MTHFD1L: variants seen among roughly 807,000 people sequenced by gnomAD.
MTHFD1L encodes monofunctional C1-tetrahydrofolate synthase, mitochondrial.
A neutral mutation model predicts 119.5 loss-of-function variants in MTHFD1L; 81 were observed. The ratio of observed to expected loss-of-function variants is 0.68; its 90% confidence interval spans 0.57 to 0.82. The LOEUF is 0.82. Among genes scored for constraint, MTHFD1L ranks in the 40% least tolerant of loss-of-function variants. MTHFD1L has a pLI of 0.00. For synonymous variants in MTHFD1L, 430 were observed against 475.2 expected (o/e 0.90, Z 1.24); for missense variants, 1,125 against 1,253.4 (o/e 0.90, Z 1.55).
rs532230112 is a variant in MTHFD1L at position 151,086,286 on chromosome 6, ATC to A, written c.2848-6166_2848-6165del. ...ATAGTGTGTGTCTCTCTCTCCCCTC[ATC>A]TCTCTCTCTCTCTCCTTTCCCCTCG... On this transcript the variant is annotated intron_variant, in intron 26 of 27. Transcript: ENST00000367321. Among the ~76,000 whole-genome samples the A allele has an allele frequency of 7.3e-5, 11 of 150,570 alleles. No homozygotes were observed. In the South Asian group the frequency reaches 1.9e-3, roughly 26 times the overall value.
In MTHFD1L at chr6:151,027,609, A is replaced by T. The variant is rs1289766649; in HGVS notation, c.2587-6884A>T. 2.0e-5 allele frequency among the ~76,000 whole-genome samples: 3 copies of T among 151,992 alleles called. No homozygotes were observed. The South Asian group carries it at 6.2e-4, about 31-fold the overall frequency. ...ACAAGTGAATATCAAGCTCAGATCA[A>T]GACCTTTGGACTGAGCTTGGCTTTT... On this transcript the variant is annotated intron_variant, in intron 24 of 27. Transcript: ENST00000367321.
chr6:150,975,461 A>T (rs1250392566), intron 20 of MTHFD1L, among the ~76,000 whole-genome samples: 1 of 152,212 alleles, frequency 6.6e-6, no homozygotes, highest in Non-Finnish European at 1.5e-5. Context: ...GATGAAGTTT[A>T]TAATAGTTCC....
At chr6:150,962,020 G>A (rs960251622) in intron 18 of MTHFD1L, among the ~76,000 whole-genome samples, 13 of 151,620 alleles carry the variant, frequency 8.6e-5, no homozygotes, top group African/African-American at 2.4e-4. Flanking sequence ...ATGGAGTTTC[G>A]CTCTTGTTGC....
chr6:150,924,091 A>G (rs1194827736), intron 10 of MTHFD1L, among the ~76,000 whole-genome samples: 1 of 152,152 alleles, frequency 6.6e-6, no homozygotes, highest in African/African-American at 2.4e-5. Context: ...CCCCAAGAAG[A>G]ATTTACTTTG....
At chr6:151,008,620 C>T (rs905948928) in intron 20 of MTHFD1L, among the ~76,000 whole-genome samples, 2 of 152,110 alleles carry the variant, frequency 1.3e-5, no homozygotes, top group African/African-American at 4.8e-5. Context: ...CCCAGTGCCT[C>T]GCTATCTTGA....
At chr6:151,029,566 G>T (rs770343512) in intron 24 of MTHFD1L, among the ~76,000 whole-genome samples, 1 of 152,088 alleles carries the variant, frequency 6.6e-6, no homozygotes, top group Non-Finnish European at 1.5e-5. Context: ...GGAGGCCGAG[G>T]CAAGCGGATC....
intron 16 of MTHFD1L, among the ~76,000 whole-genome samples, chr6:150,950,373 G>A (rs1794674104): frequency 6.6e-6 from 1 of 152,306 alleles, no homozygotes; most frequent in African/African-American, 2.4e-5. Context: ...TCCCTTCAGG[G>A]AGCTTCCCTT....
chr6:151,018,774 CAG>C (rs1274925705), intron 24 of MTHFD1L, among the ~76,000 whole-genome samples: 2 of 152,274 alleles, frequency 1.3e-5, no homozygotes, highest in East Asian at 3.9e-4. Flanking sequence ...CCATGCCACA[CAG>C]GGGACATCAT....
chr6:150,881,611 ATCATCAC>A (rs1362132320), intron 4 of MTHFD1L, among the ~76,000 whole-genome samples: 2 of 152,114 alleles, frequency 1.3e-5, no homozygotes, highest in East Asian at 3.9e-4. Context: ...CCCTCCACCC[ATCATCAC>A]TCTGTTAGCC....
chr6:151,040,842 G>A (rs765371966), intron 26 of MTHFD1L, among the ~76,000 whole-genome samples: 9 of 152,346 alleles, frequency 5.9e-5, no homozygotes, highest in South Asian at 2.1e-4. Context: ...GACCAAAGCC[G>A]TTCTGGAAAA....
intron 24 of MTHFD1L, among the ~76,000 whole-genome samples, chr6:151,017,034 C>T (rs999237246): frequency 1.3e-5 from 2 of 151,634 alleles, no homozygotes; most frequent in African/African-American, 4.8e-5. Flanking sequence ...CTCGGCCTCC[C>T]AGAGTGCTAG....
chr6:150,992,235 C>T (rs1156248687), intron 20 of MTHFD1L, among the ~76,000 whole-genome samples: 2 of 152,196 alleles, frequency 1.3e-5, no homozygotes, highest in African/African-American at 2.4e-5. Flanking sequence ...AATGCTACTT[C>T]TGGGTATGTC....
intron 20 of MTHFD1L, among the ~76,000 whole-genome samples, chr6:150,983,708 A>G (rs1777862199): frequency 6.6e-6 from 1 of 152,222 alleles, no homozygotes. Flanking sequence ...TTCAATTCCA[A>G]GCAGTTGTCA....
At position 150,916,483 on chromosome 6, in the gene MTHFD1L, TTTTTTTTTTTTTTTTTG is replaced by T. The variant is rs1355035414; in HGVS notation, c.893-2093_893-2077del. On this transcript the variant is annotated intron_variant, in intron 8 of 27. Coordinates refer to ENST00000367321, the MANE Select transcript of MTHFD1L (RefSeq NM_015440.5). ...GCCCAGCTAATTTTTTTTTTTTTTTTTTTTTTTTTTTTTTTTGGTATTTTTAGTAGAGATGGGGTTGC... is the reference window on the plus strand; with the variant it reads ...GCCCAGCTAATTTTTTTTTTTTTTTTGTATTTTTAGTAGAGATGGGGTTGC... 1.1e-3 allele frequency among the ~76,000 whole-genome samples: 54 copies of T among 51,312 alleles called. 1 individual carries two copies. Among genetic ancestry groups the T allele is most frequent in the Middle Eastern group, 6.3e-3 (1 of 160 alleles). 33.7% of individuals were successfully genotyped at this position (51,312 alleles called of 152,430 possible).
At position 151,046,850 on chromosome 6, in the gene MTHFD1L, G is replaced by A. The variant is rs188372146; in HGVS notation, c.2847+9733G>A. On this transcript the variant is annotated intron_variant, in intron 26 of 27. Coordinates refer to ENST00000367321, the MANE Select transcript of MTHFD1L (RefSeq NM_015440.5). ...AGGCCACCCTCAGAGTCAGTTTGAG[G>A]GTATAGTGGGAAGCCTGAATAAAAA... is the stretch of plus-strand genomic sequence containing the variant. Among the ~76,000 whole-genome samples the A allele has an allele frequency of 3.3e-4, 50 of 152,126 alleles. No individual in the cohort carries two copies. The Middle Eastern group carries it at 0.01, about 31-fold the overall frequency.
At chr6:151,082,547 C>T (rs951915341) in intron 26 of MTHFD1L, among the ~76,000 whole-genome samples, 2 of 151,874 alleles carry the variant, frequency 1.3e-5, no homozygotes, top group Non-Finnish European at 2.9e-5. Context: ...CCTTTTTTCC[C>T]ATAAAATAAA....
intron 7 of MTHFD1L, chr6:150,898,857 C>T: frequency 2.6e-6 from 1 of 378,518 alleles, no homozygotes; most frequent in Non-Finnish European, 4.8e-6. Flanking sequence ...TTTTCTTTTT[C>T]AGACGGAGTC....
At chr6:150,868,722 C>CT (rs1398533263) in intron 1 of MTHFD1L, among the ~76,000 whole-genome samples, 3 of 151,964 alleles carry the variant, frequency 2.0e-5, no homozygotes, top group Non-Finnish European at 4.4e-5. Context: ...TTTAGTGATC[C>CT]TAGAGGCAAA....
intron 24 of MTHFD1L, among the ~76,000 whole-genome samples, chr6:151,023,620 A>G (rs1784261607): frequency 6.6e-6 from 1 of 152,130 alleles, no homozygotes; most frequent in African/African-American, 2.4e-5. Flanking sequence ...TCTTTCCTCG[A>G]TGGTTGAAAT....
Sources: allele counts gnomAD v4.1 joint callset (sites outside exome capture counted in the v4.1 genomes callset), GRCh38; gene constraint gnomAD v4.1.1; transcripts MANE v1.5; gene names NCBI Gene and HGNC (gene_info 2026-07-23, HGNC 2026-07-21).